CRYBG1: variants seen among roughly 807,000 people sequenced by gnomAD.
The protein encoded by CRYBG1 is beta/gamma crystallin domain-containing protein 1.
A neutral mutation model predicts 189.2 loss-of-function variants in CRYBG1; 139 were observed. That is an observed-to-expected ratio of 0.73 (90% CI 0.64 to 0.85). CRYBG1 has a LOEUF of 0.85. Ranked by LOEUF, CRYBG1 falls within the 40% of genes least tolerant of loss-of-function variation. The probability of loss-of-function intolerance (pLI) is 0.00; values close to 1 mark genes in which losing one functional copy is unlikely to be tolerated. For missense variants in CRYBG1, 2,611 were observed against 2,675.8 expected (o/e 0.98, Z 0.53); for synonymous variants, 1,023 against 1,017.1 (o/e 1.01, Z -0.11).
intron 1 of CRYBG1, among the ~76,000 whole-genome samples, chr6:106,361,330 T>C (rs1771865285): frequency 6.6e-6 from 1 of 152,214 alleles, no homozygotes; most frequent in Non-Finnish European, 1.5e-5. Flanking sequence ...TGGCCTTTAG[T>C]ATGACTGCAA....
In CRYBG1 at chr6:106,553,494, C is replaced by G; in HGVS notation, c.5512C>G (p.Gln1838Glu). 1 of 1,613,832 alleles carries G rather than the reference C, an allele frequency of 6.2e-7. No homozygotes were observed. Residue 1838 changes from glutamine (Q) to glutamate (E), a missense_variant, in exon 16 of 22, where the codon CAA (glutamine) becomes GAA (glutamate). Gln to Glu is a conservative substitution (Grantham distance 29). This residue lies in a region of CRYBG1 where 1,622 missense variants were observed against 1,735.0 expected (regional missense o/e 0.93). Coordinates refer to ENST00000633556, the MANE Select transcript of CRYBG1 (RefSeq NM_001371242.2). The stretch of plus-strand genomic sequence containing the variant: ...AGAACCACAGTTTCAAGGTCACAGT[C>G]AAAGTTTTGAAGAAACAACAAGTCA... ...FSEPQFQGHS[Q>E]SFEETTSQID...
At chr6:106,517,483 T>C (rs148111613) in intron 3 of CRYBG1, among the ~76,000 whole-genome samples, 2,679 of 145,116 alleles carry the variant, frequency 0.018, 98 homozygotes, top group African/African-American at 0.066. Flanking sequence ...CATATATATA[T>C]ACACACACAC....
chr6:106,490,303 C>T (rs1772691858), intron 2 of CRYBG1, among the ~76,000 whole-genome samples: 1 of 152,170 alleles, frequency 6.6e-6, no homozygotes, highest in Non-Finnish European at 1.5e-5. Context: ...GCTTGCCTGG[C>T]ATGAGGTTTG....
chr6:106,539,343 GA>G lies in CRYBG1; in HGVS notation c.4719-55del, dbSNP rs1214948864. 3.7e-5 allele frequency: 59 copies of G among 1,596,044 alleles called. No individual in the cohort carries two copies. In the African/African-American group the frequency reaches 7.6e-4, roughly 20 times the overall value. ...TCTCATCCTGGGTACCAGACAGAAG[GA>G]AAAACTGAAACAAATGATGAGTCGG... On this transcript the variant is annotated intron_variant, in intron 8 of 21. Coordinates refer to ENST00000633556, the MANE Select transcript of CRYBG1 (RefSeq NM_001371242.2).
intron 2 of CRYBG1, among the ~76,000 whole-genome samples, chr6:106,508,761 T>G (rs147450823): frequency 4.6e-5 from 7 of 152,302 alleles, no homozygotes; most frequent in African/African-American, 1.7e-4. Context: ...TTAGCTATTA[T>G]GAATGAATGA....
chr6:106,563,910 A>G lies in CRYBG1; in HGVS notation c.6285A>G (p.Leu2095=). 1 of 1,611,300 alleles carries G rather than the reference A, an allele frequency of 6.2e-7. No homozygotes were observed. The highest frequency in any genetic ancestry group is 1.1e-5 in the South Asian group (1 of 91,036). ...TTTACAGCAAGTTGAAGCCAAATTT[A>G]GTTTTAGACATTAAAGGTAAGGGTC... ...GRIYSKLKPN[L]VLDIKGGTQY... The change falls in exon 21 of 22, where the codon TTA becomes TTG. Residue 2095 remains leucine (L), a synonymous_variant. Transcript: ENST00000633556.
At chr6:106,372,132 G>A (rs1770051201) in intron 1 of CRYBG1, among the ~76,000 whole-genome samples, 1 of 152,224 alleles carries the variant, frequency 6.6e-6, no homozygotes, top group African/African-American at 2.4e-5. Flanking sequence ...TACAAAGCCA[G>A]CAGAAGTTAA....
intron 1 of CRYBG1, among the ~76,000 whole-genome samples, chr6:106,431,940 A>G (rs887584136): frequency 6.6e-6 from 1 of 152,162 alleles, no homozygotes; most frequent in Admixed American, 6.5e-5. Flanking sequence ...GGCTATGTTG[A>G]CATGGAGGGG....
At chr6:106,479,677 A>G (rs903488622) in intron 2 of CRYBG1, among the ~76,000 whole-genome samples, 45 of 152,090 alleles carry the variant, frequency 3.0e-4, no homozygotes, top group Non-Finnish European at 1.0e-4. Flanking sequence ...ATGATTAGGG[A>G]TATTGAGCAT....
intron 13 of CRYBG1, among the ~76,000 whole-genome samples, chr6:106,545,552 A>G (rs1770719): frequency 0.82 from 124,402 of 151,934 alleles, 51,635 homozygotes; most frequent in South Asian, 0.95. Flanking sequence ...AGGCATGCCT[A>G]GATGCAGCGG....
chr6:106,521,081 C>T lies in CRYBG1; in HGVS notation c.3873C>T (p.Ala1291=). The stretch of plus-strand genomic sequence containing the variant: ...TGTCACAGCCCACGACTGAGGGTGC[C>T]CCGCCCTGTGGTTTGAACAAAGAAC... The part of the protein sequence containing the change: ...SSVSQPTTEG[A]PPCGLNKEQS... Residue 1291 remains alanine, a synonymous_variant, in exon 4 of 22, where the codon GCC becomes GCT. Transcript: ENST00000633556. 4 of 1,614,144 alleles carry T rather than the reference C, an allele frequency of 2.5e-6. No individual in the cohort carries two copies. Among genetic ancestry groups the T allele is most frequent in the Non-Finnish European group, 3.4e-6 (4 of 1,180,024 alleles).
intron 2 of CRYBG1, among the ~76,000 whole-genome samples, chr6:106,469,589 T>C (rs1772187917): frequency 6.6e-6 from 1 of 152,224 alleles, no homozygotes; most frequent in African/African-American, 2.4e-5. Context: ...GTTTGTTCAA[T>C]TTTTTGATTT....
intron 4 of CRYBG1, among the ~76,000 whole-genome samples, chr6:106,521,734 T>TTA (rs1385276737): frequency 5.3e-4 from 77 of 146,048 alleles, no homozygotes; most frequent in African/African-American, 1.9e-3. Flanking sequence ...TTTTTTTTTT[T>TTA]TTGAGACAGA....
In CRYBG1 at chr6:106,539,517, G is replaced by A. The variant is rs776621071; in HGVS notation, c.4833G>A (p.Arg1611=). The change falls in exon 9 of 22, where the codon CGG becomes CGA. Residue 1611 remains arginine, a synonymous_variant. Coordinates refer to ENST00000633556, the MANE Select transcript of CRYBG1 (RefSeq NM_001371242.2). ...AAGAAGCGTACATTGGATCCATGCG[G>A]CCTCTGAAAATGGTAAAAATGAAAT... ...DTEEAYIGSM[R]PLKMGGRKVE... is the part of the protein sequence containing the mutation. The A allele has an allele frequency of 4.3e-6, 7 of 1,609,642 alleles. No individual in the cohort carries two copies. The South Asian group carries it at 7.8e-5, about 18-fold the overall frequency.
intron 1 of CRYBG1, among the ~76,000 whole-genome samples, chr6:106,385,164 A>G (rs76708697): frequency 0.028 from 4,267 of 152,266 alleles, 190 homozygotes; most frequent in African/African-American, 0.098. Flanking sequence ...AACAGCTCTC[A>G]TAACAAAAAC....
Position 106,511,714 on chromosome 6 carries a change from G to C in CRYBG1, c.597G>C (p.Glu199Asp). Reference sequence around the variant, plus strand: ...GAGAGGCAGAGGGCGAGCTCCCCGAGAGCGGTGGCCCCGCAGCCCCCCCTG... The same window carrying C: ...GAGAGGCAGAGGGCGAGCTCCCCGACAGCGGTGGCCCCGCAGCCCCCCCTG... ...NPREAEGELPESGGPAAPPDA... is the reference protein window; with the variant it reads ...NPREAEGELPDSGGPAAPPDA... The change falls in exon 3 of 22, where the codon GAG becomes GAC. Residue 199 changes from glutamate (E) to aspartate (D), a missense_variant. By Grantham distance (45) the Glu-to-Asp change is conservative. Coordinates refer to ENST00000633556, the MANE Select transcript of CRYBG1 (RefSeq NM_001371242.2). 6.5e-7 allele frequency: 1 copy of C among 1,535,604 alleles called. No homozygotes were observed. Among genetic ancestry groups the C allele is most frequent in the Non-Finnish European group, 8.7e-7 (1 of 1,146,646 alleles).
In CRYBG1 at chr6:106,552,181, T is replaced by G. The variant is rs745875882; in HGVS notation, c.5440-3T>G. The G allele has an allele frequency of 1.3e-6, 2 of 1,586,876 alleles. No individual in the cohort carries two copies. Among genetic ancestry groups the G allele is most frequent in the Non-Finnish European group, 1.7e-6 (2 of 1,164,370 alleles). The stretch of plus-strand genomic sequence containing the variant: ...CTTTTCTCCTTCCTTTAAAAATTTT[T>G]AGGATTCTTTCACTGGCCCAAGGAG... On this transcript the variant is annotated splice_region_variant and splice_polypyrimidine_tract_variant and intron_variant, in intron 14 of 21. Transcript: ENST00000633556.
intron 8 of CRYBG1, among the ~76,000 whole-genome samples, chr6:106,530,583 C>CT (rs1432480299): frequency 7.9e-5 from 12 of 151,904 alleles, no homozygotes; most frequent in African/African-American, 2.7e-4. Flanking sequence ...ACAGAGAAAT[C>CT]TGATTTATTC....
intron 1 of CRYBG1, among the ~76,000 whole-genome samples, chr6:106,386,478 C>G (rs988915524): frequency 1.2e-4 from 19 of 152,204 alleles, no homozygotes; most frequent in African/African-American, 4.1e-4. Context: ...TCACTTGCCA[C>G]TCACTGTTAG....
Sources: allele counts gnomAD v4.1 joint callset (sites outside exome capture counted in the v4.1 genomes callset), GRCh38; gene constraint gnomAD v4.1.1; regional missense constraint gnomAD v4.1.1; transcripts MANE v1.5; gene names NCBI Gene and HGNC (gene_info 2026-07-23, HGNC 2026-07-21).